The following AIM2 variants were observed in gnomAD, a reference collection of about 807,000 sequenced individuals.
AIM2 encodes absent in melanoma 2.
A neutral mutation model predicts 27.7 loss-of-function variants in AIM2; 30 were observed. That is an observed-to-expected ratio of 1.08 (90% CI 0.81 to 1.47). The LOEUF is 1.47. Ranked by LOEUF, AIM2 falls within the 40% of genes most tolerant of loss-of-function variation. AIM2 has a pLI of 0.00. For synonymous variants in AIM2, 141 were observed against 145.3 expected (o/e 0.97, Z 0.21); for missense variants, 358 against 411.3 (o/e 0.87, Z 1.12).
At chr1:159,105,993 A>T (rs1355837333) in intron 1 of AIM2, among the ~76,000 whole-genome samples, 3 of 151,988 alleles carry the variant, frequency 2.0e-5, no homozygotes, top group Admixed American at 2.0e-4. Context: ...TCCATTAATC[A>T]TGTTGTCCAC....
intron 1 of AIM2, among the ~76,000 whole-genome samples, chr1:159,097,516 GAGATAGTACA>G (rs1657203871): frequency 1.3e-5 from 2 of 152,130 alleles, no homozygotes; most frequent in African/African-American, 2.4e-5. Context: ...TAAGAACAGA[GAGATAGTACA>G]AGATAGTACA....
chr1:159,101,887 C>T (rs1453506872), intron 1 of AIM2, among the ~76,000 whole-genome samples: 1 of 152,246 alleles, frequency 6.6e-6, no homozygotes, highest in African/African-American at 2.4e-5. Context: ...TGCAGCCTGA[C>T]CATGTAGTAG....
chr1:159,111,333 T>C (rs1657567963), intron 1 of AIM2, among the ~76,000 whole-genome samples: 1 of 152,228 alleles, frequency 6.6e-6, no homozygotes, highest in South Asian at 2.1e-4. Context: ...TTAAAATGCA[T>C]TACAAAGCAA....
intron 1 of AIM2, among the ~76,000 whole-genome samples, chr1:159,116,779 C>T (rs967546841): frequency 9.3e-5 from 14 of 151,144 alleles, no homozygotes; most frequent in Non-Finnish European, 1.9e-4. Context: ...CACATGTATA[C>T]ATATGTAACT....
chr1:159,106,627 A>C (rs2102023793), intron 1 of AIM2, among the ~76,000 whole-genome samples: 1 of 152,386 alleles, frequency 6.6e-6, no homozygotes. Context: ...CACCACTGAC[A>C]TCCCCTCATG....
intron 1 of AIM2, among the ~76,000 whole-genome samples, chr1:159,128,840 T>A (rs1647791132): frequency 6.6e-6 from 1 of 152,200 alleles, no homozygotes; most frequent in Admixed American, 6.5e-5. Context: ...CAAGATTTCT[T>A]CACTCCCCTT....
intron 4 of AIM2, among the ~76,000 whole-genome samples, chr1:159,065,026 G>C (rs1312129624): frequency 6.6e-6 from 1 of 152,128 alleles, no homozygotes; most frequent in Non-Finnish European, 1.5e-5. Context: ...TCCTATCCAA[G>C]GTCATTTTAC....
chr1:159,141,668 C>G (rs1305173455), upstream of AIM2, among the ~76,000 whole-genome samples: 1 of 152,086 alleles, frequency 6.6e-6, no homozygotes, highest in African/African-American at 2.4e-5. Context: ...CGCGCTCGTC[C>G]ATTGCGCCAC....
intron 1 of AIM2, among the ~76,000 whole-genome samples, chr1:159,126,991 A>G (rs1322893820): frequency 6.6e-6 from 1 of 152,252 alleles, no homozygotes; most frequent in Non-Finnish European, 1.5e-5. Flanking sequence ...AACAACTCAT[A>G]TAAGAATATG....
intron 1 of AIM2, among the ~76,000 whole-genome samples, chr1:159,130,525 TGC>T (rs1647841129): frequency 2.0e-5 from 3 of 152,002 alleles, no homozygotes; most frequent in Middle Eastern, 6.8e-3. Flanking sequence ...TTCACTCATT[TGC>T]TCAAGCCAGA....
At chr1:159,139,192 C>A (rs938790650) in intron 1 of AIM2, among the ~76,000 whole-genome samples, 16 of 152,186 alleles carry the variant, frequency 1.1e-4, no homozygotes, top group Admixed American at 2.0e-4. Context: ...GACCCTCTAC[C>A]TACTTGGCTG....
intron 2 of AIM2, 52 bp downstream of exon 2, chr1:159,073,186 G>T (rs1656437384): frequency 6.2e-7 from 1 of 1,605,430 alleles, no homozygotes; most frequent in Non-Finnish European, 8.5e-7. Context: ...GAAAGGAAAG[G>T]CCCAGGCTTG....
chr1:159,071,709 T>C (rs1476586792), intron 2 of AIM2, among the ~76,000 whole-genome samples: 1 of 152,162 alleles, frequency 6.6e-6, no homozygotes, highest in Non-Finnish European at 1.5e-5. Flanking sequence ...AAAGTTTCAC[T>C]ATGTTGGCCA....
chr1:159,128,730 A>G (rs909760524), intron 1 of AIM2, among the ~76,000 whole-genome samples: 2 of 152,178 alleles, frequency 1.3e-5, no homozygotes, highest in African/African-American at 4.8e-5. Context: ...AAATCACACA[A>G]CTATAAATTC....
chr1:159,137,898 A>G (rs1648041278), intron 1 of AIM2, among the ~76,000 whole-genome samples: 1 of 152,216 alleles, frequency 6.6e-6, no homozygotes, highest in Non-Finnish European at 1.5e-5. Context: ...GATTTAAGTC[A>G]GCAGTGCAGC....
At chr1:159,099,285 A>G (rs1657263425) in intron 1 of AIM2, among the ~76,000 whole-genome samples, 2 of 152,238 alleles carry the variant, frequency 1.3e-5, no homozygotes, top group Non-Finnish European at 2.9e-5. Context: ...AAGGACAGTC[A>G]GAGAGCCAGG....
chr1:159,082,554 G>A (rs962377457), intron 1 of AIM2, among the ~76,000 whole-genome samples: 5 of 151,882 alleles, frequency 3.3e-5, no homozygotes, highest in African/African-American at 1.2e-4. Flanking sequence ...TGGACCCTAA[G>A]TCCTGGACAG....
chr1:159,102,940 A>G (rs1441058247), intron 1 of AIM2, among the ~76,000 whole-genome samples: 2 of 152,156 alleles, frequency 1.3e-5, no homozygotes, highest in African/African-American at 4.8e-5. Context: ...GGACTGTTGG[A>G]AGGGCATGAT....
chr1:159,094,113 G>A (rs962862077), intron 1 of AIM2, among the ~76,000 whole-genome samples: 11 of 152,128 alleles, frequency 7.2e-5, no homozygotes, highest in African/African-American at 2.4e-4. Flanking sequence ...AAAGCAGAGA[G>A]ATAATAAGAC....
Sources: gnomAD v4.1 joint callset for allele counts (sites outside exome capture counted in the v4.1 genomes callset) on GRCh38, gnomAD v4.1.1 for gene constraint, MANE v1.5 for transcripts, NCBI Gene and HGNC (gene_info 2026-07-23, HGNC 2026-07-21) for gene names.